The following ONECUT1 variants were observed in gnomAD, a reference collection of about 807,000 sequenced individuals.
The protein encoded by ONECUT1 is hepatocyte nuclear factor 6.
ONECUT1 carries 12 observed loss-of-function variants against 25.6 expected under a neutral mutation model. That is an observed-to-expected ratio of 0.47 (90% CI 0.30 to 0.76). ONECUT1 has a LOEUF of 0.76. Ranked by LOEUF, ONECUT1 falls within the 30% of genes least tolerant of loss-of-function variation. The pLI is 0.07. For synonymous variants in ONECUT1, 285 were observed against 270.2 expected (o/e 1.05, Z -0.54); for missense variants, 620 against 651.2 (o/e 0.95, Z 0.52).
chr15:52,782,937 C>CTTTAT (rs2083850764), intron 1 of ONECUT1, among the ~76,000 whole-genome samples: 1 of 152,178 alleles, frequency 6.6e-6, no homozygotes, highest in Non-Finnish European at 1.5e-5. Context: ...AATTACCCAC[C>CTTTAT]TTTATTAGAC....
intron 1 of ONECUT1, among the ~76,000 whole-genome samples, chr15:52,785,107 G>T (rs2083865856): frequency 6.6e-6 from 1 of 152,238 alleles, no homozygotes; most frequent in South Asian, 2.1e-4. Flanking sequence ...CTTCTCTCCC[G>T]GCCCAGAAGT....
At chr15:52,776,316 T>C (rs1222221410) in intron 1 of ONECUT1, among the ~76,000 whole-genome samples, 1 of 152,190 alleles carries the variant, frequency 6.6e-6, no homozygotes, top group East Asian at 1.9e-4. Flanking sequence ...CAGCTAAAGG[T>C]ATATCCAAGC....
At chr15:52,762,429 C>T (rs1398240565) in intron 1 of ONECUT1, among the ~76,000 whole-genome samples, 2 of 152,222 alleles carry the variant, frequency 1.3e-5, no homozygotes, top group African/African-American at 4.8e-5. Context: ...ACCCCAGAAC[C>T]CTTTTTGGTG....
At chr15:52,779,549 T>A (rs2440322) in intron 1 of ONECUT1, among the ~76,000 whole-genome samples, 31 of 152,208 alleles carry the variant, frequency 2.0e-4, no homozygotes, top group African/African-American at 7.5e-4. Context: ...GACACTGGTC[T>A]CCTGGGGGAT....
chr15:52,781,528 A>G (rs181877149), intron 1 of ONECUT1, among the ~76,000 whole-genome samples: 2 of 152,336 alleles, frequency 1.3e-5, no homozygotes, highest in Non-Finnish European at 2.9e-5. Context: ...GAAGCATGGG[A>G]TGGAGGATAA....
At position 52,789,701 on chromosome 15, in the gene ONECUT1, C is replaced by G. The variant is rs201056913; in HGVS notation, c.184G>C (p.Gly62Arg). The G allele has an allele frequency of 1.5e-5, 23 of 1,486,664 alleles. No individual in the cohort carries two copies. The highest frequency in any genetic ancestry group is 2.0e-5 in the Non-Finnish European group (23 of 1,125,632). The allele number at this position is 1,486,664 out of a possible 1,614,324, so 92.1% of individuals were successfully genotyped here. The change falls in exon 1 of 2, where the codon GGC becomes CGC. Residue 62 changes from glycine to arginine, a missense_variant. Physicochemically the swap from Gly to Arg is moderately radical, Grantham distance 125. Around this residue, in one of 4 missense-constraint regions of ONECUT1, gnomAD observed 440 missense variants for 404.9 expected, o/e 1.09. Coordinates refer to ENST00000305901, the MANE Select transcript of ONECUT1 (RefSeq NM_004498.4). The surrounding 1 kb of genome is among the most constrained non-coding windows in gnomAD (Gnocchi z 4.1). ...SMGMASLLDG[G>R]SGGGDYHHHH... ...TGGTGGTAATCTCCGCCGCCGCTGC[C>G]GCCGTCCAGCAGGGACGCCATGCCC...
chr15:52,774,972 C>T (rs1211143875), intron 1 of ONECUT1, among the ~76,000 whole-genome samples: 1 of 152,042 alleles, frequency 6.6e-6, no homozygotes, highest in African/African-American at 2.4e-5. Context: ...GGCAGATCAC[C>T]TGAGGTCAGG....
chr15:52,773,847 C>T (rs2083783165), intron 1 of ONECUT1, among the ~76,000 whole-genome samples: 1 of 152,052 alleles, frequency 6.6e-6, no homozygotes, highest in Admixed American at 6.5e-5. Flanking sequence ...AAAAGGAATG[C>T]CTGAGTCCAC....
intron 1 of ONECUT1, among the ~76,000 whole-genome samples, chr15:52,783,875 TG>T (rs2083857050): frequency 1.3e-5 from 2 of 152,236 alleles, no homozygotes; most frequent in South Asian, 4.1e-4. Flanking sequence ...TTTCATGAAT[TG>T]GGTAACACCC....
intron 1 of ONECUT1, among the ~76,000 whole-genome samples, chr15:52,772,086 C>CT (rs1209460879): frequency 2.0e-5 from 3 of 152,122 alleles, no homozygotes; most frequent in African/African-American, 7.2e-5. Flanking sequence ...CATAGACAAC[C>CT]TGGCAGAGGA....
chr15:52,767,213 G>A (rs1407269438), intron 1 of ONECUT1, among the ~76,000 whole-genome samples: 1 of 152,082 alleles, frequency 6.6e-6, no homozygotes, highest in Non-Finnish European at 1.5e-5. Context: ...AGGACATCGG[G>A]AGGTACACCT....
At chr15:52,765,989 C>T (rs2083731815) in intron 1 of ONECUT1, among the ~76,000 whole-genome samples, 1 of 152,148 alleles carries the variant, frequency 6.6e-6, no homozygotes, top group South Asian at 2.1e-4. Flanking sequence ...AGGTGGAGCC[C>T]AAACAACCTA....
At position 52,789,407 on chromosome 15, in the gene ONECUT1, A is replaced by T. The variant is rs150109441; in HGVS notation, c.478T>A (p.Ser160Thr). 1.2e-6 allele frequency: 2 copies of T among 1,613,672 alleles called. No individual in the cohort carries two copies. The highest frequency in any genetic ancestry group is 1.7e-6 in the Non-Finnish European group (2 of 1,179,944). The change falls in exon 1 of 2, where the codon TCC becomes ACC. Residue 160 changes from serine (S) to threonine (T), a missense_variant. Physicochemically the swap from Ser to Thr is moderately conservative, Grantham distance 58. Around this residue, in one of 4 missense-constraint regions of ONECUT1, gnomAD observed 440 missense variants for 404.9 expected, o/e 1.09. Transcript: ENST00000305901. The surrounding 1 kb of genome is among the most constrained non-coding windows in gnomAD (Gnocchi z 4.1). The stretch of plus-strand genomic sequence containing the variant: ...TAGGGGGTATAGAGGTTATTCATGG[A>T]GGCCAGCCCGCGCTCATCCCGCATG... ...TLMRDERGLA[S>T]MNNLYTPYHK...
rs749622770 is a variant in ONECUT1 at position 52,788,944 on chromosome 15, A to G, written c.941T>C (p.Ile314Thr). 1 of 1,613,858 alleles carries G rather than the reference A, an allele frequency of 6.2e-7. No individual in the cohort carries two copies. The highest frequency in any genetic ancestry group is 8.5e-7 in the Non-Finnish European group (1 of 1,180,022). The change falls in exon 1 of 2, where the codon ATC becomes ACC. Residue 314 changes from isoleucine to threonine, a missense_variant. This residue lies in a region of ONECUT1 where 146 missense variants were observed against 201.8 expected (regional missense o/e 0.72). Coordinates refer to ENST00000305901, the MANE Select transcript of ONECUT1 (RefSeq NM_004498.4). This position sits in a 1 kb window ranked among gnomAD's most constrained non-coding sequence, Gnocchi z 4.3. ...GCGGCAGAGCACCCTCTGCGCGAAG[A>G]TGGCCTGTGGGATGCTGTAGCGCTT... ...ELKRYSIPQA[I>T]FAQRVLCRSQ... is the part of the protein sequence containing the mutation.
chr15:52,778,730 T>G (rs2083820214), intron 1 of ONECUT1, among the ~76,000 whole-genome samples: 1 of 152,186 alleles, frequency 6.6e-6, no homozygotes, highest in Admixed American at 6.5e-5. Flanking sequence ...TACACTTTGT[T>G]GAGACCTGAA....
chr15:52,789,119 G>T lies in ONECUT1; in HGVS notation c.766C>A (p.Leu256Met). Residue 256 changes from leucine to methionine, a missense_variant, in exon 1 of 2, where the codon CTG becomes ATG. Coordinates refer to ENST00000305901, the MANE Select transcript of ONECUT1 (RefSeq NM_004498.4). The surrounding 1 kb of genome is among the most constrained non-coding windows in gnomAD (Gnocchi z 4.1). ...GLPPHHPHAH[L>M]NAQGHGQLLG... is the part of the protein sequence containing the mutation. ...AGTTGCCCGTGGCCCTGGGCGTTCA[G>T]GTGGGCGTGGGGATGGTGCGGAGGA... 6.2e-7 allele frequency: 1 copy of T among 1,601,040 alleles called. No homozygotes were observed. The highest frequency in any genetic ancestry group is 8.5e-7 in the Non-Finnish European group (1 of 1,179,718).
At chr15:52,777,737 C>CAA (rs1555416122) in intron 1 of ONECUT1, among the ~76,000 whole-genome samples, 1,420 of 102,986 alleles carry the variant, frequency 0.014, 62 homozygotes, top group Middle Eastern at 0.038. Flanking sequence ...CACACACACA[C>CAA]AAAAAAACAT....
Position 52,777,737 on chromosome 15 carries a change from C to CACAAA in ONECUT1, c.1105+11042_1105+11043insTTTGT, listed in dbSNP as rs57187579. ...ACACACACACACACACACACACACA[C>CACAAA]AAAAAAACATGTAAAGTTATTTGTT... is the stretch of plus-strand genomic sequence containing the variant. On this transcript the variant is annotated intron_variant, in intron 1 of 1. Coordinates refer to ENST00000305901, the MANE Select transcript of ONECUT1 (RefSeq NM_004498.4). Among the ~76,000 whole-genome samples the CACAAA allele has an allele frequency of 4.8e-3, 492 of 103,426 alleles. 26 individuals are homozygous for CACAAA. The highest frequency in any genetic ancestry group is 0.02 in the African/African-American group (462 of 22,558). 67.9% of individuals were successfully genotyped at this position (103,426 alleles called of 152,430 possible).
At chr15:52,785,615 C>A (rs2083869591) in intron 1 of ONECUT1, 1 of 152,402 alleles carries the variant, frequency 6.6e-6, no homozygotes, top group South Asian at 2.1e-4. Context: ...CCGAAGCCCT[C>A]TGGAATCTTT....
Sources: gnomAD v4.1 joint callset for allele counts (sites outside exome capture counted in the v4.1 genomes callset) on GRCh38, gnomAD v4.1.1 for gene constraint, gnomAD v4.1.1 regional missense constraint, Gnocchi (gnomAD v3.1) non-coding constraint, MANE v1.5 for transcripts, NCBI Gene and HGNC (gene_info 2026-07-23, HGNC 2026-07-21) for gene names.